Variants in ALK observed in about 807,000 individuals in gnomAD.
The protein encoded by ALK is ALK tyrosine kinase receptor.
ALK carries 74 observed loss-of-function variants against 163.1 expected under a neutral mutation model. The observed-to-expected ratio is 0.45, with a 90% CI of 0.38 to 0.55. The LOEUF (loss-of-function observed/expected upper bound fraction) is 0.55. ALK is among the 20% of genes least tolerant of loss of function. The probability of loss-of-function intolerance (pLI) is 0.00; values close to 1 mark genes in which losing one functional copy is unlikely to be tolerated. For synonymous variants in ALK, 960 were observed against 843.2 expected (o/e 1.14, Z -2.40); for missense variants, 2,063 against 2,105.3 (o/e 0.98, Z 0.39).
At chr2:29,386,700 C>T (rs555834580) in intron 4 of ALK, among the ~76,000 whole-genome samples, 2 of 152,270 alleles carry the variant, frequency 1.3e-5, no homozygotes, top group East Asian at 1.9e-4. Flanking sequence ...TCTGAGTTAC[C>T]GATGCAATAA....
At chr2:29,401,920 T>C (rs1051780477) in intron 4 of ALK, among the ~76,000 whole-genome samples, 4 of 152,210 alleles carry the variant, frequency 2.6e-5, no homozygotes, top group Non-Finnish European at 5.9e-5. Context: ...TGGTCTTCAA[T>C]GCCATATTAA....
intron 1 of ALK, among the ~76,000 whole-genome samples, chr2:29,725,771 T>C (rs758932797): frequency 4.6e-5 from 7 of 152,172 alleles, no homozygotes; most frequent in Non-Finnish European, 7.4e-5. Context: ...ATTTCATCAG[T>C]TGAGCTACCA....
intron 1 of ALK, among the ~76,000 whole-genome samples, chr2:29,763,176 G>A (rs922760727): frequency 6.6e-6 from 1 of 151,824 alleles, no homozygotes; most frequent in African/African-American, 2.4e-5. Flanking sequence ...TGTGACATTG[G>A]TCGAGTTGTA....
chr2:29,356,449 T>A (rs1668247425), intron 5 of ALK, among the ~76,000 whole-genome samples: 1 of 118,002 alleles, frequency 8.5e-6, no homozygotes, highest in Admixed American at 1.0e-4. Flanking sequence ...CTTCTCCACA[T>A]CAGATTTAAT....
chr2:29,508,206 T>C (rs529079471), intron 4 of ALK, among the ~76,000 whole-genome samples: 1 of 152,274 alleles, frequency 6.6e-6, no homozygotes, highest in East Asian at 1.9e-4. Flanking sequence ...TCTGAAACTG[T>C]TCTGGCCTCT....
chr2:29,239,859 C>G (rs777533986), intron 12 of ALK, 29 bp from the exon 13 acceptor site: 1 of 1,608,208 alleles, frequency 6.2e-7, no homozygotes, highest in South Asian at 1.1e-5. Flanking sequence ...CGTTGGCTCC[C>G]GCTGTGGTAT....
rs556561898 is a variant in ALK, at chr2:29,364,417, A to T, written c.1282+19315T>A. Among the ~76,000 whole-genome samples the T allele has an allele frequency of 3.3e-5, 5 of 152,328 alleles. No individual in the cohort carries two copies. In the East Asian group the frequency reaches 9.7e-4, roughly 29 times the overall value. ...GTCAGCTCACCATGGACTTCATGTC[A>T]CTGCTTAGAAAGGCCAGAAGACCCT... On this transcript the variant is annotated intron_variant, in intron 5 of 28. Coordinates refer to ENST00000389048, the MANE Select transcript of ALK (RefSeq NM_004304.5).
intron 1 of ALK, among the ~76,000 whole-genome samples, chr2:29,864,224 C>T (rs1666368255): frequency 6.6e-6 from 1 of 152,170 alleles, no homozygotes; most frequent in South Asian, 2.1e-4. Context: ...CCTCCCTTTA[C>T]TTGTCACAGG....
chr2:29,750,262 A>G (rs1233063858), intron 1 of ALK, among the ~76,000 whole-genome samples: 2 of 152,242 alleles, frequency 1.3e-5, no homozygotes, highest in African/African-American at 2.4e-5. Flanking sequence ...GGTATAGCCT[A>G]TCGATCCCAG....
intron 4 of ALK, among the ~76,000 whole-genome samples, chr2:29,525,082 T>A (rs968908158): frequency 1.3e-5 from 2 of 152,222 alleles, no homozygotes; most frequent in African/African-American, 4.8e-5. Context: ...TTGGAAGCCA[T>A]AGTCCTTCTA....
At chr2:29,229,791 G>T (rs1001050374) in intron 15 of ALK, among the ~76,000 whole-genome samples, 10 of 152,178 alleles carry the variant, frequency 6.6e-5, no homozygotes, top group Admixed American at 3.9e-4. Context: ...TCACACCTGG[G>T]CTCAGCCTGC....
At chr2:29,902,515 T>C (rs866367590) in intron 1 of ALK, among the ~76,000 whole-genome samples, 5 of 152,204 alleles carry the variant, frequency 3.3e-5, no homozygotes, top group Admixed American at 1.3e-4. Flanking sequence ...AGGCCTTTGA[T>C]GGCTGCCTGT....
intron 3 of ALK, among the ~76,000 whole-genome samples, chr2:29,544,711 G>A (rs1394767337): frequency 6.6e-6 from 1 of 151,718 alleles, no homozygotes; most frequent in Non-Finnish European, 1.5e-5. Context: ...CCTTTCATAA[G>A]ACCTCAGCTC....
intron 4 of ALK, among the ~76,000 whole-genome samples, chr2:29,511,580 A>C (rs1358627978): frequency 6.6e-6 from 1 of 152,214 alleles, no homozygotes; most frequent in African/African-American, 2.4e-5. Flanking sequence ...ACTACTGTGA[A>C]TAATGCTGCT....
chr2:29,839,101 A>G (rs183647418), intron 1 of ALK, among the ~76,000 whole-genome samples: 1 of 152,118 alleles, frequency 6.6e-6, no homozygotes, highest in Admixed American at 6.6e-5. Context: ...CTGAAGTTCT[A>G]GGCCTGGTAG....
intron 2 of ALK, among the ~76,000 whole-genome samples, chr2:29,700,859 A>G (rs1678712351): frequency 6.6e-6 from 1 of 152,198 alleles, no homozygotes; most frequent in Admixed American, 6.5e-5. Context: ...CCCTGGCTGT[A>G]GAAGAGTTGT....
intron 4 of ALK, among the ~76,000 whole-genome samples, chr2:29,428,004 T>C (rs11692398): frequency 0.11 from 16,170 of 152,014 alleles, 1,207 homozygotes; most frequent in East Asian, 0.31. Context: ...AAGTGAAAAT[T>C]AAACAACACT....
chr2:29,626,510 C>T (rs188896245), intron 3 of ALK, among the ~76,000 whole-genome samples: 1 of 152,288 alleles, frequency 6.6e-6, no homozygotes, highest in African/African-American at 2.4e-5. Context: ...AACTGTGAGT[C>T]CATTAAACCT....
intron 3 of ALK, among the ~76,000 whole-genome samples, chr2:29,559,468 T>C (rs1322397672): frequency 6.6e-6 from 1 of 152,212 alleles, no homozygotes; most frequent in Non-Finnish European, 1.5e-5. Flanking sequence ...CAGTTTTTAA[T>C]ATGTTCAGCT....
Sources: allele counts gnomAD v4.1 joint callset (sites outside exome capture counted in the v4.1 genomes callset), GRCh38; gene constraint gnomAD v4.1.1; transcripts MANE v1.5; gene names NCBI Gene and HGNC (gene_info 2026-07-23, HGNC 2026-07-21).